Variants in PARD3 observed in about 807,000 individuals in gnomAD.
The protein encoded by PARD3 is par-3 family cell polarity regulator, also known as partitioning defective 3 homolog.
PARD3 carries 75 observed loss-of-function variants against 155.4 expected under a neutral mutation model. The ratio of observed to expected loss-of-function variants is 0.48; its 90% confidence interval spans 0.40 to 0.58. PARD3 has a LOEUF of 0.58. PARD3 is among the 20% of genes least tolerant of loss of function. PARD3 has a pLI of 0.00. For synonymous variants in PARD3, 576 were observed against 610.5 expected, an observed-to-expected ratio of 0.94 and a Z score of 0.83; for missense variants, 1,642 against 1,721.7, an observed-to-expected ratio of 0.95 and a Z score of 0.82.
intron 2 of PARD3, among the ~76,000 whole-genome samples, chr10:34,651,177 T>C (rs1480018733): frequency 6.6e-6 from 1 of 152,108 alleles, no homozygotes; most frequent in Non-Finnish European, 1.5e-5. Context: ...AATTACATGG[T>C]CCCAGCATCA....
At chr10:34,238,700 G>A (rs1254009034) in intron 22 of PARD3, among the ~76,000 whole-genome samples, 2 of 152,198 alleles carry the variant, frequency 1.3e-5, no homozygotes, top group African/African-American at 4.8e-5. Flanking sequence ...GACGGGAATA[G>A]ACACTCACTT....
chr10:34,303,471 C>CAA (rs10647298), intron 20 of PARD3, among the ~76,000 whole-genome samples: 90,136 of 146,460 alleles, frequency 0.62, 27,518 homozygotes, highest in African/African-American at 0.65. Flanking sequence ...ACCTCCATTC[C>CAA]AAAAAAAAAA....
chr10:34,382,406 T>G lies in PARD3; in HGVS notation c.1399+134A>C, dbSNP rs1841952521. On this transcript the variant is annotated intron_variant, in intron 9 of 24. Coordinates refer to ENST00000374788, the MANE Select transcript of PARD3 (RefSeq NM_001184785.2). ...TAACTTTAAAAAATCTATCAGTTCT[T>G]TCACAAAATAATTAGATAAGACTCA... The G allele has an allele frequency of 7.3e-6, 6 of 826,234 alleles. No individual in the cohort carries two copies. In the East Asian group the frequency reaches 1.5e-4, roughly 21 times the overall value. The allele number at this position is 826,234 out of a possible 1,614,324, so 51.2% of individuals were successfully genotyped here. A position where few individuals can be genotyped will look rare whatever the true frequency, so the allele number is the denominator to read the frequency against.
chr10:34,180,127 A>C (rs1950205880), intron 22 of PARD3, among the ~76,000 whole-genome samples: 1 of 151,934 alleles, frequency 6.6e-6, no homozygotes. Flanking sequence ...AGCTCACTGC[A>C]ACCTCCCCGT....
At chr10:34,275,530 CA>C (rs1311687680) in intron 21 of PARD3, among the ~76,000 whole-genome samples, 3 of 152,040 alleles carry the variant, frequency 2.0e-5, no homozygotes, top group East Asian at 1.9e-4. Context: ...AATTCACAAG[CA>C]AAATTAACAA....
chr10:34,389,913 G>A (rs958889392), intron 7 of PARD3, among the ~76,000 whole-genome samples: 1 of 152,120 alleles, frequency 6.6e-6, no homozygotes. Flanking sequence ...TTAGATTACA[G>A]CAGAAATCAC....
At chr10:34,706,846 G>A (rs564674373) in intron 1 of PARD3, among the ~76,000 whole-genome samples, 2 of 152,114 alleles carry the variant, frequency 1.3e-5, no homozygotes, top group East Asian at 1.9e-4. Flanking sequence ...TGTGGCTCAC[G>A]CCTCTAATCC....
rs1475839107 is a variant in PARD3, at chr10:34,725,447, G to A, written c.121-29028C>T. Among the ~76,000 whole-genome samples the A allele has an allele frequency of 2.0e-5, 3 of 152,078 alleles. 1 individual carries two copies. Among genetic ancestry groups the A allele is most frequent in the Non-Finnish European group, 4.4e-5 (3 of 68,024 alleles). On this transcript the variant is annotated intron_variant, in intron 1 of 24. Coordinates refer to ENST00000374788, the MANE Select transcript of PARD3 (RefSeq NM_001184785.2). Reference sequence around the variant, plus strand: ...TAAGATTCCAGGTGTGAGCCACCACGCCCAGCCCAGTCAAAACTTTTCAAG... The same window carrying A: ...TAAGATTCCAGGTGTGAGCCACCACACCCAGCCCAGTCAAAACTTTTCAAG...
chr10:34,150,934 T>C (rs1948749455), intron 22 of PARD3, among the ~76,000 whole-genome samples: 1 of 152,200 alleles, frequency 6.6e-6, no homozygotes, highest in Non-Finnish European at 1.5e-5. Flanking sequence ...CATACATGTT[T>C]TGTCCCTTCT....
chr10:34,469,867 G>A (rs1045670185), intron 4 of PARD3, among the ~76,000 whole-genome samples: 2 of 152,068 alleles, frequency 1.3e-5, no homozygotes, highest in African/African-American at 4.8e-5. Flanking sequence ...ATTAATAAGT[G>A]CACACCATAC....
intron 2 of PARD3, among the ~76,000 whole-genome samples, chr10:34,608,726 C>T (rs973307874): frequency 6.6e-6 from 1 of 151,762 alleles, no homozygotes; most frequent in Non-Finnish European, 1.5e-5. Context: ...TAGAGATGGG[C>T]TTTCTCCATG....
intron 22 of PARD3, among the ~76,000 whole-genome samples, chr10:34,192,450 C>T (rs1287310904): frequency 2.6e-5 from 4 of 152,184 alleles, no homozygotes; most frequent in Non-Finnish European, 5.9e-5. Context: ...ACAGAAACAG[C>T]ACCAACCTTA....
chr10:34,797,256 T>C (rs1420251698), intron 1 of PARD3, among the ~76,000 whole-genome samples: 1 of 152,176 alleles, frequency 6.6e-6, no homozygotes, highest in African/African-American at 2.4e-5. Flanking sequence ...GCTCAAGCGA[T>C]TCTCCCACCT....
intron 7 of PARD3, among the ~76,000 whole-genome samples, chr10:34,398,316 C>T (rs2132162277): frequency 6.6e-6 from 1 of 152,292 alleles, no homozygotes; most frequent in East Asian, 1.9e-4. Context: ...TAATCCCACA[C>T]ATCTATCTTC....
At chr10:34,697,967 T>C (rs2094206313) in intron 1 of PARD3, among the ~76,000 whole-genome samples, 1 of 151,964 alleles carries the variant, frequency 6.6e-6, no homozygotes, top group Non-Finnish European at 1.5e-5. Context: ...TGATGGTAAA[T>C]GGTATTTCCT....
intron 20 of PARD3, among the ~76,000 whole-genome samples, chr10:34,301,479 C>T (rs1237462110): frequency 6.6e-6 from 1 of 152,168 alleles, no homozygotes; most frequent in African/African-American, 2.4e-5. Flanking sequence ...GCCCTGAGCG[C>T]CAGTGATATT....
At chr10:34,609,509 G>A (rs1381430365) in intron 2 of PARD3, among the ~76,000 whole-genome samples, 3 of 152,158 alleles carry the variant, frequency 2.0e-5, no homozygotes, top group South Asian at 2.1e-4. Flanking sequence ...GTTAAGGAGC[G>A]TAAGAAGAGA....
intron 21 of PARD3, among the ~76,000 whole-genome samples, chr10:34,281,241 A>G (rs1411471002): frequency 1.3e-5 from 2 of 152,184 alleles, no homozygotes; most frequent in Non-Finnish European, 2.9e-5. Context: ...CATGCCTGAA[A>G]CACAAGTCAG....
intron 2 of PARD3, among the ~76,000 whole-genome samples, chr10:34,674,822 A>C (rs2093674619): frequency 2.0e-5 from 3 of 152,094 alleles, no homozygotes; most frequent in African/African-American, 7.2e-5. Flanking sequence ...AAAGCCAAGA[A>C]CCTTCCCGGT....
Sources: allele counts gnomAD v4.1 joint callset (sites outside exome capture counted in the v4.1 genomes callset), GRCh38; gene constraint gnomAD v4.1.1; transcripts MANE v1.5; gene names NCBI Gene and HGNC (gene_info 2026-07-23, HGNC 2026-07-21).